The following COL3A1 variants were observed in gnomAD, a reference collection of about 807,000 sequenced individuals.
The protein encoded by COL3A1 is collagen alpha-1(III) chain.
Under a neutral mutation model 200.9 loss-of-function variants are expected in COL3A1, and 46 were observed. The observed-to-expected ratio is 0.23, with a 90% CI of 0.18 to 0.29. The LOEUF (loss-of-function observed/expected upper bound fraction) is 0.29, where lower values mean the gene tolerates loss of function less well. Among genes scored for constraint, COL3A1 ranks in the 10% least tolerant of loss-of-function variants. COL3A1 has a pLI of 1.00. For synonymous variants in COL3A1, 650 were observed against 628.0 expected (o/e 1.03, Z -0.52); for missense variants, 1,367 against 1,917.6 (o/e 0.71, Z 5.36).
intron 3 of COL3A1, 133 bp downstream of exon 3, chr2:188,985,380 C>G (rs552553921): frequency 2.3e-5 from 18 of 771,682 alleles, no homozygotes; most frequent in Non-Finnish European, 4.0e-5. Flanking sequence ...CACCAAACAA[C>G]AGACTGAGAA....
chr2:189,011,830 T>G lies in COL3A1; in HGVS notation c.*56T>G. 6.3e-7 allele frequency: 1 copy of G among 1,597,514 alleles called. No individual in the cohort carries two copies. Among genetic ancestry groups the G allele is most frequent in the Admixed American group, 1.7e-5 (1 of 59,924 alleles). On this transcript the variant is annotated 3_prime_UTR_variant, in exon 51 of 51. Coordinates refer to ENST00000304636, the MANE Select transcript of COL3A1 (RefSeq NM_000090.4). ...AAATTTAACTCCATATGTGTTCCTC[T>G]TGTTCTAATCTTGTCAACCAGTGCA...
Position 189,007,161 on chromosome 2 carries a change from TGATAGATAGATAGATA to T in COL3A1, c.3255+206_3255+221del, listed in dbSNP as rs60243485. On this transcript the variant is annotated intron_variant, in intron 44 of 50. Coordinates refer to ENST00000304636, the MANE Select transcript of COL3A1 (RefSeq NM_000090.4). ...TATATTTGTTCTATCTATAGATAGA[TGATAGATAGATAGATA>T]GATAGATAGATAGATAGATAGATAG... Among the ~76,000 whole-genome samples, 1,325 of 116,312 alleles carry T rather than the reference TGATAGATAGATAGATA, an allele frequency of 0.011. 20 individuals carry two copies. The highest frequency in any genetic ancestry group is 0.03 in the African/African-American group (951 of 31,944). The allele number at this position is 116,312 out of a possible 152,430, so 76.3% of individuals were successfully genotyped here.
chr2:189,001,256 C>T (rs548943033), intron 32 of COL3A1, 141 bp from the exon 33 acceptor site: 1 of 725,980 alleles, frequency 1.4e-6, no homozygotes, highest in African/African-American at 1.8e-5. Context: ...GAGAGAAAAG[C>T]ATAGCATTCA....
chr2:188,989,548 G>A lies in COL3A1; in HGVS notation c.690+99G>A, dbSNP rs79949505. 67 of 904,162 alleles carry A rather than the reference G, an allele frequency of 7.4e-5. 1 individual carries two copies. The highest frequency in any genetic ancestry group is 6.7e-4 in the Middle Eastern group (2 of 3,000). 56.0% of individuals were successfully genotyped at this position (904,162 alleles called of 1,614,324 possible). A position where few individuals can be genotyped will look rare whatever the true frequency, so the allele number is the denominator to read the frequency against. ...TCAGAATCCCAGAAGAAAAAAAAAT[G>A]TTATTCAAAATATTGTTGTCTTAAC... On this transcript the variant is annotated intron_variant, in intron 8 of 50. Transcript: ENST00000304636.
At position 188,991,821 on chromosome 2, in the gene COL3A1, A is replaced by G. The variant is rs1396093781; in HGVS notation, c.951+99A>G. Reference sequence around the variant, plus strand: ...GCTGTAAAAATATGTTAGGAAAAAGACCTTCCTACAAAATTATACTCAATG... The same window carrying G: ...GCTGTAAAAATATGTTAGGAAAAAGGCCTTCCTACAAAATTATACTCAATG... On this transcript the variant is annotated intron_variant, in intron 13 of 50. Coordinates refer to ENST00000304636, the MANE Select transcript of COL3A1 (RefSeq NM_000090.4). 3.3e-6 allele frequency: 4 copies of G among 1,208,582 alleles called. No individual in the cohort carries two copies. In the African/African-American group the frequency reaches 6.0e-5, roughly 18 times the overall value. The allele number at this position is 1,208,582 out of a possible 1,614,324, so 74.9% of individuals were successfully genotyped here. A position where few individuals can be genotyped will look rare whatever the true frequency, so the allele number is the denominator to read the frequency against.
intron 8 of COL3A1, 60 bp from the exon 9 acceptor site, chr2:188,990,036 T>A: frequency 6.7e-7 from 1 of 1,490,972 alleles, no homozygotes; most frequent in Non-Finnish European, 9.4e-7. Flanking sequence ...ATTTTGCTTA[T>A]TGGCTACAAT....
Position 189,011,682 on chromosome 2 carries a change from G to T in COL3A1, c.4309G>T (p.Val1437Leu). 1 of 1,614,030 alleles carries T rather than the reference G, an allele frequency of 6.2e-7. No individual in the cohort carries two copies. The highest frequency in any genetic ancestry group is 8.5e-7 in the Non-Finnish European group (1 of 1,179,920). ...CTTTGAATATCGAACACGCAAGGCT[G>T]TGAGACTACCTATTGTAGATATTGC... ...TVFEYRTRKA[V>L]RLPIVDIAPY... is the part of the protein sequence containing the mutation. Residue 1437 changes from valine to leucine, a missense_variant, in exon 51 of 51, where the codon GTG (valine) becomes TTG (leucine). Transcript: ENST00000304636.
intron 44 of COL3A1, 31 bp from the exon 45 acceptor site, chr2:189,007,469 T>C: frequency 6.5e-7 from 1 of 1,534,452 alleles, no homozygotes; most frequent in Non-Finnish European, 9.0e-7. Context: ...TATGTGTGTA[T>C]ATGACTTCAA....
chr2:188,980,352 T>G (rs1576458722), intron 1 of COL3A1, among the ~76,000 whole-genome samples: 1 of 148,952 alleles, frequency 6.7e-6, no homozygotes, highest in Middle Eastern at 5.2e-3. Context: ...CTAAGGAGAT[T>G]GAATTCTAAA....
chr2:188,997,779 C>A, intron 27 of COL3A1, 26 bp downstream of exon 27: 1 of 1,608,966 alleles, frequency 6.2e-7, no homozygotes, highest in Non-Finnish European at 8.5e-7. Flanking sequence ...TTAAATGTCA[C>A]GGCATATCTG....
intron 22 of COL3A1, 35 bp downstream of exon 22, chr2:188,995,825 T>C (rs1170083916): frequency 1.4e-6 from 2 of 1,478,034 alleles, no homozygotes; most frequent in Non-Finnish European, 1.9e-6. Context: ...GACACTTTAA[T>C]TTAGACAGAA....
chr2:188,984,737 A>C (rs773425413), intron 1 of COL3A1, 23 bp from the exon 2 acceptor site: 29 of 1,609,824 alleles, frequency 1.8e-5, no homozygotes, highest in African/African-American at 5.3e-5. Context: ...AGGAAACTTC[A>C]CGTCATCTAA....
rs1688621770 is a variant in COL3A1 at position 189,007,567 on chromosome 2, A to G, written c.3323A>G (p.His1108Arg). The part of the protein sequence containing the change: ...GERGAAGIKG[H>R]RGFPGNPGAP... ...CGTGGAGCTGCTGGCATCAAAGGAC[A>G]TCGAGGATTCCCTGGTAATCCAGGT... The change falls in exon 45 of 51, where the codon CAT becomes CGT. Residue 1108 changes from histidine (H) to arginine (R), a missense_variant. By Grantham distance (29) the His-to-Arg change is conservative. Transcript: ENST00000304636. The G allele has an allele frequency of 6.2e-7, 1 of 1,613,768 alleles. No individual in the cohort carries two copies. The highest frequency in any genetic ancestry group is 8.5e-7 in the Non-Finnish European group (1 of 1,179,820).
intron 44 of COL3A1, 106 bp downstream of exon 44, chr2:189,007,096 AATATATATATATATATATATATATATAT>A (rs36195651): frequency 0.011 from 2,448 of 226,390 alleles, 8 homozygotes; most frequent in Middle Eastern, 0.027. Flanking sequence ...AAAAAGAATG[AATATATATATATATATATATATATATAT>A]ATATATATAT....
intron 1 of COL3A1, among the ~76,000 whole-genome samples, chr2:188,980,504 G>A (rs553951191): frequency 2.5e-4 from 37 of 149,720 alleles, no homozygotes; most frequent in South Asian, 1.1e-3. Flanking sequence ...CAACTTAAAG[G>A]ACATTTCTAA....
chr2:189,003,085 GTCTATCTATCTATCA>G (rs1559060241), intron 36 of COL3A1, 23 bp downstream of exon 36: 3 of 1,489,258 alleles, frequency 2.0e-6, no homozygotes, highest in East Asian at 2.5e-5. Flanking sequence ...CTCTTTCTCT[GTCTATCTATCTATCA>G]TCTATCTATC....
chr2:188,991,467 C>G lies in COL3A1; in HGVS notation c.853-20C>G, dbSNP rs773768258. Reference sequence around the variant, plus strand: ...TTCTTCCTCTTTTGTAAAATAGTAACATATTTTATATGTATCTAGGGTGAA... The same window carrying G: ...TTCTTCCTCTTTTGTAAAATAGTAAGATATTTTATATGTATCTAGGGTGAA... On this transcript the variant is annotated intron_variant, in intron 11 of 50. Transcript: ENST00000304636. The G allele has an allele frequency of 3.9e-6, 6 of 1,535,046 alleles. No individual in the cohort carries two copies. The highest frequency in any genetic ancestry group is 1.7e-5 in the Admixed American group (1 of 58,764).
chr2:188,976,251 C>T (rs1687811960), intron 1 of COL3A1, among the ~76,000 whole-genome samples: 1 of 152,056 alleles, frequency 6.6e-6, no homozygotes, highest in Non-Finnish European at 1.5e-5. Context: ...TTTTTATAAG[C>T]ACTGTGGCTA....
At chr2:189,007,643 T>G (rs761377790) in intron 45 of COL3A1, 36 bp downstream of exon 45, 2 of 1,536,536 alleles carry the variant, frequency 1.3e-6, no homozygotes, top group African/African-American at 1.4e-5. Flanking sequence ...ATCCCTTCAA[T>G]GTATACAAAT....
Sources: allele counts gnomAD v4.1 joint callset (sites outside exome capture counted in the v4.1 genomes callset), GRCh38; gene constraint gnomAD v4.1.1; transcripts MANE v1.5; gene names NCBI Gene and HGNC (gene_info 2026-07-23, HGNC 2026-07-21).